Variants in AGPAT4 observed in about 807,000 individuals in gnomAD.
The protein encoded by AGPAT4 is 1-acyl-sn-glycerol-3-phosphate acyltransferase delta.
In AGPAT4, 15 loss-of-function variants were observed where a neutral mutation model predicts 48.0. That is an observed-to-expected ratio of 0.31 (90% CI 0.21 to 0.48). The LOEUF (loss-of-function observed/expected upper bound fraction) is 0.48, where lower values mean the gene tolerates loss of function less well. Among genes scored for constraint, AGPAT4 ranks in the 20% least tolerant of loss-of-function variants. The probability of loss-of-function intolerance (pLI) is 0.99; values close to 1 mark genes in which losing one functional copy is unlikely to be tolerated. For synonymous variants in AGPAT4, 178 were observed against 198.7 expected (o/e 0.90, Z 0.88); for missense variants, 314 against 482.5 (o/e 0.65, Z 3.27).
chr6:161,268,234 T>C (rs149774793), intron 1 of AGPAT4, among the ~76,000 whole-genome samples: 1 of 152,366 alleles, frequency 6.6e-6, no homozygotes, highest in East Asian at 1.9e-4. Flanking sequence ...GTCATCATTC[T>C]TGCATATCCT....
At chr6:161,250,704 A>C (rs190357395) in intron 1 of AGPAT4, among the ~76,000 whole-genome samples, 132 of 152,284 alleles carry the variant, frequency 8.7e-4, no homozygotes, top group African/African-American at 3.0e-3. Context: ...GTATTGCCAA[A>C]TATTGCCAAA....
At chr6:161,185,782 T>C (rs1027749040) in intron 2 of AGPAT4, among the ~76,000 whole-genome samples, 5 of 152,176 alleles carry the variant, frequency 3.3e-5, no homozygotes, top group Non-Finnish European at 5.9e-5. Flanking sequence ...GCCTCTTCTC[T>C]AGCAGCAGCC....
In AGPAT4 at chr6:161,147,916, G is replaced by A. The variant is rs141867373; in HGVS notation, c.767+1271C>T. 3.7e-4 allele frequency among the ~76,000 whole-genome samples: 56 copies of A among 152,328 alleles called. No homozygotes were observed. The highest frequency in any genetic ancestry group is 3.4e-3 in the Middle Eastern group (1 of 294). On this transcript the variant is annotated intron_variant, in intron 6 of 8. Transcript: ENST00000320285. The surrounding 1 kb of genome is among the most constrained non-coding windows in gnomAD (Gnocchi z 4.8). ...TAATGGGCAGCTACAACAAAAAGATGTGTGTTGAATAGCATCAATGCTAAC... is the reference window on the plus strand; with the variant it reads ...TAATGGGCAGCTACAACAAAAAGATATGTGTTGAATAGCATCAATGCTAAC...
In AGPAT4 at chr6:161,219,592, A is replaced by G. The variant is rs923949871; in HGVS notation, c.178+12444T>C. Among the ~76,000 whole-genome samples the G allele has an allele frequency of 6.6e-6, 1 of 152,188 alleles. No individual in the cohort carries two copies. The highest frequency in any genetic ancestry group is 1.5e-5 in the Non-Finnish European group (1 of 68,036). ...TCAGAAGTGAAATTTAATGCTTCCA[A>G]AAACAAATGGGCACTTTGCGAATTA... On this transcript the variant is annotated intron_variant, in intron 2 of 8. Coordinates refer to ENST00000320285, the MANE Select transcript of AGPAT4 (RefSeq NM_020133.3). The surrounding 1 kb of genome is among the most constrained non-coding windows in gnomAD (Gnocchi z 4.9).
rs142799104 is a variant in AGPAT4 at position 161,260,281 on chromosome 6, A to G, written c.-90+13657T>C. Among the ~76,000 whole-genome samples, 733 of 152,326 alleles carry G rather than the reference A, an allele frequency of 4.8e-3. 10 individuals are homozygous for G. Among genetic ancestry groups the G allele is most frequent in the African/African-American group, 0.017 (693 of 41,574 alleles). ...CTGACCAGTCCCAAGGAGCTTGTCA[A>G]ACTGCAGGAAAGCAAGATAAGAAAT... On this transcript the variant is annotated intron_variant, in intron 1 of 8. Coordinates refer to ENST00000320285, the MANE Select transcript of AGPAT4 (RefSeq NM_020133.3).
intron 1 of AGPAT4, among the ~76,000 whole-genome samples, chr6:161,248,363 A>C (rs1260089053): frequency 6.6e-6 from 1 of 152,126 alleles, no homozygotes; most frequent in Non-Finnish European, 1.5e-5. Flanking sequence ...TCATGAGGTC[A>C]GGAGATCGAG....
chr6:161,192,569 T>C (rs770031368), intron 2 of AGPAT4, among the ~76,000 whole-genome samples: 1 of 152,222 alleles, frequency 6.6e-6, no homozygotes, highest in African/African-American at 2.4e-5. Context: ...TATCATTGTT[T>C]ATACAGTGTT....
At position 161,130,878 on chromosome 6, in the gene AGPAT4, A is replaced by G. The variant is rs750050877; in HGVS notation, c.*5662T>C. On this transcript the variant is annotated 3_prime_UTR_variant, in exon 9 of 9. Coordinates refer to ENST00000320285, the MANE Select transcript of AGPAT4 (RefSeq NM_020133.3). ...CTTTCCTTCCTCATGATCTGCAAAG[A>G]TACAGAGAGAATGGCATTCCAAAAT... The G allele has an allele frequency of 1.9e-6, 1 of 518,956 alleles. No individual in the cohort carries two copies. The highest frequency in any genetic ancestry group is 3.8e-6 in the Non-Finnish European group (1 of 259,874). The allele number at this position is 518,956 out of a possible 1,614,324, so 32.1% of individuals were successfully genotyped here. A position where few individuals can be genotyped will look rare whatever the true frequency, so the allele number is the denominator to read the frequency against.
chr6:161,189,522 C>G lies in AGPAT4; in HGVS notation c.179-23105G>C, dbSNP rs1780863086. Among the ~76,000 whole-genome samples the G allele has an allele frequency of 6.6e-6, 1 of 152,222 alleles. No homozygotes were observed. Among genetic ancestry groups the G allele is most frequent in the Admixed American group, 6.5e-5 (1 of 15,280 alleles). The stretch of plus-strand genomic sequence containing the variant: ...CTTACTTACAACCTTAGTTGCCCGT[C>G]AGGACTATCCCTCCTCTGCACAGAT... On this transcript the variant is annotated intron_variant, in intron 2 of 8. Transcript: ENST00000320285. This position sits in a 1 kb window ranked among gnomAD's most constrained non-coding sequence, Gnocchi z 5.3.
In AGPAT4 at chr6:161,244,155, A is replaced by T. The variant is rs1336984590; in HGVS notation, c.-89-11853T>A. ...CTCTGAATGTACCTGTGTTTTCCTG[A>T]TCTCAAACAGACATACAGCGAGGAG... is the stretch of plus-strand genomic sequence containing the variant. On this transcript the variant is annotated intron_variant, in intron 1 of 8. Coordinates refer to ENST00000320285, the MANE Select transcript of AGPAT4 (RefSeq NM_020133.3). This position sits in a 1 kb window ranked among gnomAD's most constrained non-coding sequence, Gnocchi z 4.7. Among the ~76,000 whole-genome samples, 3 of 152,198 alleles carry T rather than the reference A, an allele frequency of 2.0e-5. No homozygotes were observed. The highest frequency in any genetic ancestry group is 4.4e-5 in the Non-Finnish European group (3 of 68,038).
chr6:161,252,386 C>A (rs540481154), intron 1 of AGPAT4, among the ~76,000 whole-genome samples: 21 of 152,254 alleles, frequency 1.4e-4, no homozygotes, highest in African/African-American at 5.1e-4. Flanking sequence ...TCTGCTTTTG[C>A]TTTTAGGTTA....
rs1779007615 is a variant in AGPAT4, at chr6:161,134,633, G to C, written c.*1907C>G. 6.6e-6 allele frequency: 1 copy of C among 152,200 alleles called. No individual in the cohort carries two copies. Among genetic ancestry groups the C allele is most frequent in the Non-Finnish European group, 1.5e-5 (1 of 68,042 alleles). 9.4% of individuals were successfully genotyped at this position (152,200 alleles called of 1,614,324 possible). A position where few individuals can be genotyped will look rare whatever the true frequency, so the allele number is the denominator to read the frequency against. ...ACCCAAATCCTACAGCCGATGAGCTGCAGAGTTCAGGTGAATGGCGTAACT... is the reference window on the plus strand; with the variant it reads ...ACCCAAATCCTACAGCCGATGAGCTCCAGAGTTCAGGTGAATGGCGTAACT... On this transcript the variant is annotated 3_prime_UTR_variant, in exon 9 of 9. Coordinates refer to ENST00000320285, the MANE Select transcript of AGPAT4 (RefSeq NM_020133.3).
intron 2 of AGPAT4, among the ~76,000 whole-genome samples, chr6:161,230,045 T>C (rs1782083738): frequency 6.6e-6 from 1 of 152,242 alleles, no homozygotes; most frequent in Non-Finnish European, 1.5e-5. Flanking sequence ...TTCTAAATAA[T>C]TTAATTAATT....
chr6:161,153,199 C>A, intron 5 of AGPAT4, 147 bp downstream of exon 5: 1 of 1,176,076 alleles, frequency 8.5e-7, no homozygotes, highest in South Asian at 1.5e-5. Context: ...TTCCCAGTCA[C>A]AGAGACTGGA....
chr6:161,141,093 A>T lies in AGPAT4; in HGVS notation c.844-1473T>A, dbSNP rs1488560993. Among the ~76,000 whole-genome samples, 2 of 152,080 alleles carry T rather than the reference A, an allele frequency of 1.3e-5. No individual in the cohort carries two copies. The highest frequency in any genetic ancestry group is 2.9e-5 in the Non-Finnish European group (2 of 68,014). The stretch of plus-strand genomic sequence containing the variant: ...TTTCATTCAGGGTGTACTGAATCAT[A>T]GGCTTTCTTGGCCTCTCAGAGGCAC... On this transcript the variant is annotated intron_variant, in intron 7 of 8. Transcript: ENST00000320285. This position sits in a 1 kb window ranked among gnomAD's most constrained non-coding sequence, Gnocchi z 6.7.
Position 161,146,774 on chromosome 6 carries a change from A to G in AGPAT4, c.768-175T>C, listed in dbSNP as rs996719458. Among the ~76,000 whole-genome samples, 7 of 152,210 alleles carry G rather than the reference A, an allele frequency of 4.6e-5. No homozygotes were observed. The highest frequency in any genetic ancestry group is 1.7e-4 in the African/African-American group (7 of 41,454). Reference sequence around the variant, plus strand: ...GGCGTTCCACATCCACACTGGAGAAACAGGCAAAAATGCAATTATGACCCA... The same window carrying G: ...GGCGTTCCACATCCACACTGGAGAAGCAGGCAAAAATGCAATTATGACCCA... On this transcript the variant is annotated intron_variant, in intron 6 of 8. Coordinates refer to ENST00000320285, the MANE Select transcript of AGPAT4 (RefSeq NM_020133.3). This position sits in a 1 kb window ranked among gnomAD's most constrained non-coding sequence, Gnocchi z 7.1.
chr6:161,217,286 C>A lies in AGPAT4; in HGVS notation c.178+14750G>T, dbSNP rs1046382495. Among the ~76,000 whole-genome samples the A allele has an allele frequency of 6.6e-6, 1 of 152,188 alleles. No individual in the cohort carries two copies. The highest frequency in any genetic ancestry group is 1.5e-5 in the Non-Finnish European group (1 of 68,032). On this transcript the variant is annotated intron_variant, in intron 2 of 8. Transcript: ENST00000320285. The surrounding 1 kb of genome is among the most constrained non-coding windows in gnomAD (Gnocchi z 4.9). Reference sequence around the variant, plus strand: ...GGTCAGAACTGGGCTCCCATCAATGCCTGGTACATGGTAACAGAAGGTGCT... The same window carrying A: ...GGTCAGAACTGGGCTCCCATCAATGACTGGTACATGGTAACAGAAGGTGCT...
Position 161,181,185 on chromosome 6 carries a change from G to A in AGPAT4, c.179-14768C>T, listed in dbSNP as rs115838311. 4.1e-3 allele frequency among the ~76,000 whole-genome samples: 617 copies of A among 152,282 alleles called. 5 individuals carry two copies. The highest frequency in any genetic ancestry group is 0.014 in the African/African-American group (601 of 41,570). On this transcript the variant is annotated intron_variant, in intron 2 of 8. Transcript: ENST00000320285. Reference sequence around the variant, plus strand: ...GAGTTCTTGCTGCAGGTGTTAAGTGGGCCCCAGCAACGCTGTGAAGGGGAA... The same window carrying A: ...GAGTTCTTGCTGCAGGTGTTAAGTGAGCCCCAGCAACGCTGTGAAGGGGAA...
intron 2 of AGPAT4, among the ~76,000 whole-genome samples, chr6:161,192,133 G>A (rs1172582774): frequency 8.2e-6 from 1 of 122,272 alleles, no homozygotes; most frequent in Non-Finnish European, 1.7e-5. Context: ...TACTAGTTTA[G>A]AAGTTATACT....
Sources: gnomAD v4.1 joint callset for allele counts (sites outside exome capture counted in the v4.1 genomes callset) on GRCh38, gnomAD v4.1.1 for gene constraint, Gnocchi (gnomAD v3.1) non-coding constraint, MANE v1.5 for transcripts, NCBI Gene and HGNC (gene_info 2026-07-23, HGNC 2026-07-21) for gene names.